C19orf38: variants seen among roughly 807,000 people sequenced by gnomAD.
C19orf38 encodes protein HIDE1.
C19orf38 carries 14 observed loss-of-function variants against 26.6 expected under a neutral mutation model. The ratio of observed to expected loss-of-function variants is 0.53; its 90% CI spans 0.35 to 0.82. C19orf38 has a LOEUF of 0.82. Among genes scored for constraint, C19orf38 ranks in the 40% least tolerant of loss-of-function variants. C19orf38 has a pLI of 0.01. For synonymous variants in C19orf38, 132 were observed against 128.5 expected, an observed-to-expected ratio of 1.03 and a Z score of -0.18; for missense variants, 261 against 299.5, an observed-to-expected ratio of 0.87 and a Z score of 0.95.
chr19:10,865,187 T>C (rs1388756510), intron 6 of C19orf38, among the ~76,000 whole-genome samples: 1 of 151,932 alleles, frequency 6.6e-6, no homozygotes, highest in Admixed American at 6.6e-5. Flanking sequence ...AGTCTTGCTC[T>C]GTCACCCAGG....
At chr19:10,863,124 T>TA (rs1481361789) in intron 5 of C19orf38, 46 bp from the exon 6 acceptor site, 1 of 1,538,122 alleles carries the variant, frequency 6.5e-7, no homozygotes, top group Admixed American at 2.0e-5. Context: ...GCAGGGAAGT[T>TA]ACAACTGGCC....
chr19:10,851,974 CAAAAAAAAAAAA>C (rs903489432), intron 2 of C19orf38, among the ~76,000 whole-genome samples: 20 of 48,536 alleles, frequency 4.1e-4, no homozygotes, highest in African/African-American at 1.5e-3. Context: ...GACTCCGTCT[CAAAAAAAAAAAA>C]AAAAAAAATA....
chr19:10,857,366 ATT>A (rs773726753), intron 3 of C19orf38, among the ~76,000 whole-genome samples: 99 of 56,036 alleles, frequency 1.8e-3, no homozygotes, highest in South Asian at 0.017. Flanking sequence ...ATATATATAT[ATT>A]TTTTTTTTTT....
At chr19:10,849,039 C>T (rs1055161492) in intron 1 of C19orf38, among the ~76,000 whole-genome samples, 3 of 152,116 alleles carry the variant, frequency 2.0e-5, no homozygotes, top group African/African-American at 7.2e-5. Flanking sequence ...CCGTATTCTT[C>T]ACCCAAGCCT....
intron 6 of C19orf38, among the ~76,000 whole-genome samples, chr19:10,864,069 G>GT (rs2073728952): frequency 6.6e-6 from 1 of 151,832 alleles, no homozygotes; most frequent in East Asian, 1.9e-4. Flanking sequence ...GGAGGGATTT[G>GT]TTTTTTTTCA....
chr19:10,843,830 T>C (rs942843018), upstream of C19orf38, among the ~76,000 whole-genome samples: 1 of 152,090 alleles, frequency 6.6e-6, no homozygotes, highest in Non-Finnish European at 1.5e-5. Flanking sequence ...TGTTAAGATA[T>C]CATGAAGGCT....
intron 2 of C19orf38, among the ~76,000 whole-genome samples, chr19:10,854,525 G>C (rs566156475): frequency 2.6e-4 from 40 of 152,270 alleles, no homozygotes; most frequent in African/African-American, 9.6e-4. Flanking sequence ...CCTTGGAGTA[G>C]GGAGCTGACA....
chr19:10,848,695 G>C (rs1254916917), intron 1 of C19orf38, among the ~76,000 whole-genome samples, 156 bp downstream of exon 1: 3 of 152,068 alleles, frequency 2.0e-5, no homozygotes, highest in Non-Finnish European at 2.9e-5. Context: ...CCTGAGCCTT[G>C]GAAACTCTCC....
intron 6 of C19orf38, among the ~76,000 whole-genome samples, chr19:10,867,433 C>A (rs566447709): frequency 4.5e-4 from 65 of 143,946 alleles, no homozygotes; most frequent in African/African-American, 1.5e-3. Flanking sequence ...GGAGAAACCC[C>A]ATCTCTACTA....
At chr19:10,844,576 A>G (rs982933519), upstream of C19orf38, among the ~76,000 whole-genome samples, 11 of 145,588 alleles carry the variant, frequency 7.6e-5, no homozygotes, top group East Asian at 8.4e-4. Flanking sequence ...GGCCGGGTGC[A>G]GTGGCTCACG....
chr19:10,857,751 T>C (rs2073644300), intron 3 of C19orf38, among the ~76,000 whole-genome samples: 1 of 150,968 alleles, frequency 6.6e-6, no homozygotes, highest in African/African-American at 2.4e-5. Context: ...CGTGGTGGTG[T>C]GCACCTGTAG....
intron 2 of C19orf38, among the ~76,000 whole-genome samples, chr19:10,854,991 T>A (rs2073608919): frequency 6.6e-6 from 1 of 151,008 alleles, no homozygotes; most frequent in South Asian, 2.1e-4. Flanking sequence ...CTCCCCCTCA[T>A]GGAGGCAAGA....
At position 10,859,573 on chromosome 19, in the gene C19orf38, G is replaced by A. The variant is rs145680169; in HGVS notation, c.462-342G>A. ...AATTTTTGTATTTTTTAGTAGAGAC[G>A]GGGTTTCACTGTGTTGTCCAGTCTG... On this transcript the variant is annotated intron_variant, in intron 4 of 6. Transcript: ENST00000397820. Among the ~76,000 whole-genome samples, 575 of 150,994 alleles carry A rather than the reference G, an allele frequency of 3.8e-3. 5 individuals are homozygous for A. Among genetic ancestry groups the A allele is most frequent in the Middle Eastern group, 0.021 (6 of 292 alleles).
rs1175555508 is a variant in C19orf38 at position 10,859,294 on chromosome 19, ATGTGTGTGTGTGTATG to A, written c.462-619_462-604del. Among the ~76,000 whole-genome samples, 697 of 103,512 alleles carry A rather than the reference ATGTGTGTGTGTGTATG, an allele frequency of 6.7e-3. 3 individuals are homozygous for A. The highest frequency in any genetic ancestry group is 0.011 in the Non-Finnish European group (527 of 48,818). 67.9% of individuals were successfully genotyped at this position (103,512 alleles called of 152,430 possible). A position where few individuals can be genotyped will look rare whatever the true frequency, so the allele number is the denominator to read the frequency against. ...TGTGTGTGTGTATGTGTGTGTGTAT[ATGTGTGTGTGTGTATG>A]TATGTGTGTGTGTGTATGTATGTGT... is the stretch of plus-strand genomic sequence containing the variant. On this transcript the variant is annotated intron_variant, in intron 4 of 6. Transcript: ENST00000397820.
At chr19:10,840,753 G>A (rs1408037106) in intron 1 of C19orf38, among the ~76,000 whole-genome samples, 2 of 152,150 alleles carry the variant, frequency 1.3e-5, no homozygotes, top group African/African-American at 4.8e-5. Context: ...TCTTGACCTC[G>A]TGATCTGCCT....
chr19:10,844,436 C>A (rs1430249139), upstream of C19orf38, among the ~76,000 whole-genome samples: 1 of 150,024 alleles, frequency 6.7e-6, no homozygotes, highest in Admixed American at 6.6e-5. Flanking sequence ...AAAAGCTAGG[C>A]GTGGTGGCTC....
chr19:10,859,332 G>A (rs1166161429), intron 4 of C19orf38, among the ~76,000 whole-genome samples: 1 of 48,688 alleles, frequency 2.1e-5, no homozygotes, highest in East Asian at 1.2e-3. Context: ...GTGTATGTAT[G>A]TGTGTGTGTG....
chr19:10,850,675 C>G, intron 2 of C19orf38, 108 bp downstream of exon 2: 2 of 1,198,868 alleles, frequency 1.7e-6, no homozygotes, highest in East Asian at 2.5e-5. Context: ...CAGGCTTACA[C>G]CCTGCCAGGA....
chr19:10,859,631 G>A (rs529481775), intron 4 of C19orf38, among the ~76,000 whole-genome samples: 1 of 151,812 alleles, frequency 6.6e-6, no homozygotes, highest in East Asian at 1.9e-4. Flanking sequence ...TGATCCACCT[G>A]CCTCAGCCTC....
Sources: gnomAD v4.1 joint callset for allele counts (sites outside exome capture counted in the v4.1 genomes callset) on GRCh38, gnomAD v4.1.1 for gene constraint, MANE v1.5 for transcripts, NCBI Gene and HGNC (gene_info 2026-07-23, HGNC 2026-07-21) for gene names.